The following KDM2B variants were observed in gnomAD, a reference collection of about 807,000 sequenced individuals.
The protein encoded by KDM2B is lysine-specific demethylase 2B.
Under a neutral mutation model 150.0 loss-of-function variants are expected in KDM2B, and 26 were observed. The observed-to-expected ratio is 0.17, with a 90% CI of 0.13 to 0.24. The LOEUF (loss-of-function observed/expected upper bound fraction) is 0.24, where lower values mean the gene tolerates loss of function less well. Ranked by LOEUF, KDM2B falls within the 10% of genes least tolerant of loss-of-function variation. KDM2B has a pLI of 1.00. For synonymous variants in KDM2B, 734 were observed against 729.5 expected, an observed-to-expected ratio of 1.01 and a Z score of -0.10; for missense variants, 1,265 against 1,816.9, an observed-to-expected ratio of 0.70 and a Z score of 5.52.
intron 12 of KDM2B, among the ~76,000 whole-genome samples, chr12:121,492,041 C>T (rs1448798145): frequency 6.6e-6 from 1 of 151,912 alleles, no homozygotes; most frequent in African/African-American, 2.4e-5. Flanking sequence ...GCCTGTGGTC[C>T]CAGCTACTCG....
At chr12:121,491,229 G>A (rs1361267511) in intron 12 of KDM2B, among the ~76,000 whole-genome samples, 3 of 152,172 alleles carry the variant, frequency 2.0e-5, no homozygotes, top group Non-Finnish European at 2.9e-5. Flanking sequence ...GAAGTGGCCC[G>A]AGAGGCACTG....
At chr12:121,422,102 T>A in the KDM2B span, among the ~76,000 whole-genome samples, 1 of 152,218 alleles carries the variant, frequency 6.6e-6, no homozygotes, top group Non-Finnish European at 1.5e-5. Flanking sequence ...ATAGCAACTA[T>A]GTACAGTGCA....
intron 6 of KDM2B, among the ~76,000 whole-genome samples, chr12:121,546,900 T>C (rs1889097916): frequency 6.6e-6 from 1 of 151,952 alleles, no homozygotes; most frequent in Non-Finnish European, 1.5e-5. Context: ...TTTACCATGT[T>C]GGCCAAGCTG....
intron 10 of KDM2B, among the ~76,000 whole-genome samples, chr12:121,511,017 CTT>C (rs1267556991): frequency 2.1e-5 from 3 of 143,956 alleles, no homozygotes; most frequent in African/African-American, 2.5e-5. Context: ...TGTCTTTTCT[CTT>C]TTTTTTTTTG....
intron 1 of KDM2B, chr12:121,580,123 G>C (rs1891847311): frequency 8.3e-6 from 13 of 1,572,780 alleles, no homozygotes; most frequent in Non-Finnish European, 1.1e-5. Context: ...GGGGGAAGGA[G>C]GGAAGACCAA....
Position 121,429,306 on chromosome 12 carries a change from A to G in KDM2B, c.*982T>C, listed in dbSNP as rs1872691870. 1 of 152,686 alleles carries G rather than the reference A, an allele frequency of 6.5e-6. No homozygotes were observed. The highest frequency in any genetic ancestry group is 1.5e-5 in the Non-Finnish European group (1 of 68,064). The allele number at this position is 152,686 out of a possible 1,614,324, so 9.5% of individuals were successfully genotyped here. ...AGAACTTTACAACTAGGAAATAGCC[A>G]TGTTACAAACCTAAATGAGAACTCA... On this transcript the variant is annotated 3_prime_UTR_variant, in exon 23 of 23. Transcript: ENST00000377071.
intron 21 of KDM2B, chr12:121,440,431 G>C (rs1349323193): frequency 2.5e-6 from 1 of 405,392 alleles, no homozygotes; most frequent in African/African-American, 2.0e-5. Flanking sequence ...TGCCATCCTG[G>C]AAGCCTTTGC....
At chr12:121,486,360 T>A (rs1255660612) in intron 12 of KDM2B, among the ~76,000 whole-genome samples, 1 of 140,778 alleles carries the variant, frequency 7.1e-6, no homozygotes, top group Non-Finnish European at 1.5e-5. Context: ...TTTTTTTTTT[T>A]AGGGGAAACG....
At chr12:121,543,860 A>T (rs1465163646) in intron 6 of KDM2B, among the ~76,000 whole-genome samples, 1 of 146,852 alleles carries the variant, frequency 6.8e-6, no homozygotes, top group African/African-American at 2.5e-5. Context: ...GGCACACCCC[A>T]CCTGTAATCC....
chr12:121,505,242 C>T (rs1555302744), intron 11 of KDM2B, among the ~76,000 whole-genome samples: 14 of 149,050 alleles, frequency 9.4e-5, no homozygotes, highest in Non-Finnish European at 1.5e-5. Flanking sequence ...GCTGAGATCA[C>T]ATCACTGCAC....
chr12:121,423,492 C>G, the KDM2B span: 1 of 1,614,128 alleles, frequency 6.2e-7, no homozygotes, highest in Non-Finnish European at 8.5e-7. This position sits in a 1 kb window ranked among gnomAD's most constrained non-coding sequence, Gnocchi z 4.3. Context: ...ACATGGTTAC[C>G]TGCACCAAGT....
rs782599352 is a variant in KDM2B, at chr12:121,532,763, G to A, written c.931+43C>T. On this transcript the variant is annotated intron_variant, in intron 8 of 22. Transcript: ENST00000377071. ...GGGGCCTAAAACCCTGGCTCAGGCC[G>A]CAGGAGACTCGAGGAGCCCAGAGAG... The A allele has an allele frequency of 1.6e-5, 26 of 1,604,334 alleles. No homozygotes were observed. The East Asian group carries it at 4.2e-4, about 26-fold the overall frequency.
In KDM2B at chr12:121,533,425, C is replaced by T. The variant is rs1029793421; in HGVS notation, c.778-466G>A. ...TTCCAACACGTTCAGTTAAAACAAA[C>T]GCACATGCAGACCCAGCCAAGCAGG... On this transcript the variant is annotated intron_variant, in intron 7 of 22. Transcript: ENST00000377071. This position sits in a 1 kb window ranked among gnomAD's most constrained non-coding sequence, Gnocchi z 4.1. 1.3e-5 allele frequency among the ~76,000 whole-genome samples: 2 copies of T among 152,192 alleles called. No homozygotes were observed. The highest frequency in any genetic ancestry group is 1.9e-4 in the East Asian group (1 of 5,204).
chr12:121,477,044 C>A (rs1381545701), intron 12 of KDM2B, among the ~76,000 whole-genome samples: 1 of 152,184 alleles, frequency 6.6e-6, no homozygotes, highest in Non-Finnish European at 1.5e-5. Context: ...CTTCAAAGAT[C>A]ATTTTTCATC....
At chr12:121,559,189 G>C (rs570203886) in intron 4 of KDM2B, among the ~76,000 whole-genome samples, 98 of 152,322 alleles carry the variant, frequency 6.4e-4, no homozygotes, top group African/African-American at 2.3e-3. Flanking sequence ...GAAGTCATAG[G>C]GGGAAGCGTA....
intron 6 of KDM2B, among the ~76,000 whole-genome samples, chr12:121,538,710 C>G (rs1555309179): frequency 6.6e-6 from 1 of 152,156 alleles, no homozygotes; most frequent in African/African-American, 2.4e-5. Context: ...TTCCTGTTTT[C>G]AGATAAGCAC....
chr12:121,499,286 C>CT (rs1185251331), intron 11 of KDM2B, among the ~76,000 whole-genome samples: 143 of 137,272 alleles, frequency 1.0e-3, no homozygotes, highest in East Asian at 1.5e-3. Flanking sequence ...ATTTTTGTAT[C>CT]TTTTTTTTTT....
At chr12:121,542,261 G>T (rs760155932) in intron 6 of KDM2B, among the ~76,000 whole-genome samples, 15 of 152,210 alleles carry the variant, frequency 9.9e-5, no homozygotes, top group Non-Finnish European at 1.9e-4. Flanking sequence ...GCACCATCTT[G>T]GAAGCGGATC....
At chr12:121,571,145 A>G (rs1555315827) in intron 4 of KDM2B, among the ~76,000 whole-genome samples, 1 of 152,230 alleles carries the variant, frequency 6.6e-6, no homozygotes, top group East Asian at 1.9e-4. Flanking sequence ...GCAACTTCAT[A>G]GAGACACAAG....
Sources: gnomAD v4.1 joint callset for allele counts (sites outside exome capture counted in the v4.1 genomes callset) on GRCh38, gnomAD v4.1.1 for gene constraint, Gnocchi (gnomAD v3.1) non-coding constraint, MANE v1.5 for transcripts, NCBI Gene and HGNC (gene_info 2026-07-23, HGNC 2026-07-21) for gene names.